Variants in INAVA observed in about 807,000 individuals in gnomAD.
The protein encoded by INAVA is innate immunity activator, also known as innate immunity activator protein.
INAVA carries 32 observed loss-of-function variants against 55.3 expected under a neutral mutation model. That is an observed-to-expected ratio of 0.58 (90% CI 0.44 to 0.78). The LOEUF is 0.78. INAVA is among the 30% of genes least tolerant of loss of function. INAVA has a pLI of 0.00. For missense variants in INAVA, 756 were observed against 786.4 expected (o/e 0.96, Z 0.46); for synonymous variants, 294 against 329.4 (o/e 0.89, Z 1.16).
At chr1:200,912,347 G>A (rs574353864) in intron 9 of INAVA, among the ~76,000 whole-genome samples, 82 of 148,366 alleles carry the variant, frequency 5.5e-4, no homozygotes, top group African/African-American at 1.8e-3. Context: ...TCCTAATTTT[G>A]CCTGCCATGT....
At chr1:200,910,238 G>A (rs138244227) in intron 8 of INAVA, among the ~76,000 whole-genome samples, 433 of 152,298 alleles carry the variant, frequency 2.8e-3, no homozygotes, top group African/African-American at 9.7e-3. Context: ...AGAACTTAAA[G>A]AGACTCAAAT....
chr1:200,906,600 T>C (rs911285119), intron 5 of INAVA: 1 of 151,642 alleles, frequency 6.6e-6, no homozygotes, highest in African/African-American at 2.4e-5. Context: ...ATTTCTTAGG[T>C]AAAAAGTGCT....
Position 200,910,647 on chromosome 1 carries a change from T to C in INAVA, c.960-806T>C, listed in dbSNP as rs182537576. Reference sequence around the variant, plus strand: ...TCCAGCCTAGAGTATAGTGGCGCAATCTTTGCTCACTGCAACCTCCGCCTC... The same window carrying C: ...TCCAGCCTAGAGTATAGTGGCGCAACCTTTGCTCACTGCAACCTCCGCCTC... On this transcript the variant is annotated intron_variant, in intron 8 of 9. Coordinates refer to ENST00000413687, the MANE Select transcript of INAVA (RefSeq NM_001142569.3). Among the ~76,000 whole-genome samples, 43 of 152,356 alleles carry C rather than the reference T, an allele frequency of 2.8e-4. No individual in the cohort carries two copies. In the East Asian group the frequency reaches 4.4e-3, roughly 16 times the overall value.
upstream of INAVA, chr1:200,891,716 T>C: frequency 2.8e-6 from 4 of 1,443,106 alleles, no homozygotes; most frequent in Non-Finnish European, 3.6e-6. Flanking sequence ...GCGGGAAAAC[T>C]TCGGGGCACC....
intron 8 of INAVA, among the ~76,000 whole-genome samples, chr1:200,909,708 G>A (rs1203599812): frequency 1.3e-5 from 2 of 152,178 alleles, no homozygotes; most frequent in East Asian, 3.8e-4. Context: ...ACTGACAATA[G>A]GCAACTCACT....
At chr1:200,900,350 C>T in intron 4 of INAVA, 130 bp downstream of exon 4, 3 of 772,602 alleles carry the variant, frequency 3.9e-6, no homozygotes, top group South Asian at 3.7e-5. Flanking sequence ...GCTTGGCTGC[C>T]TGTTGGTGAG....
intron 5 of INAVA, among the ~76,000 whole-genome samples, chr1:200,904,502 A>C (rs1212922857): frequency 6.6e-6 from 1 of 152,160 alleles, no homozygotes; most frequent in Non-Finnish European, 1.5e-5. Context: ...TGACTGAGGA[A>C]CTGACTTTAT....
In INAVA at chr1:200,907,684, A is replaced by G. The variant is rs1024260614; in HGVS notation, c.521-150A>G. 9.2e-6 allele frequency: 5 copies of G among 544,376 alleles called. No individual in the cohort carries two copies. The South Asian group carries it at 9.6e-5, about 10-fold the overall frequency. The allele number at this position is 544,376 out of a possible 1,614,324, so 33.7% of individuals were successfully genotyped here. A position where few individuals can be genotyped will look rare whatever the true frequency, so the allele number is the denominator to read the frequency against. ...TTAAAAAAAAAAAAAATCACTCCCA[A>G]TGTGTATTTAGCACACAGAGGGTAT... On this transcript the variant is annotated intron_variant, in intron 5 of 9. Coordinates refer to ENST00000413687, the MANE Select transcript of INAVA (RefSeq NM_001142569.3).
chr1:200,910,421 T>G (rs1409549727), intron 8 of INAVA, among the ~76,000 whole-genome samples: 1 of 152,334 alleles, frequency 6.6e-6, no homozygotes, highest in East Asian at 1.9e-4. Context: ...ATAGTTTAAA[T>G]GGCTAAGCGT....
Position 200,911,454 on chromosome 1 carries a change from G to A in INAVA, c.961G>A (p.Val321Met), listed in dbSNP as rs893319633. 6.8e-6 allele frequency: 11 copies of A among 1,610,596 alleles called. No individual in the cohort carries two copies. Among genetic ancestry groups the A allele is most frequent in the Admixed American group, 5.0e-5 (3 of 59,854 alleles). The change falls in exon 9 of 10, where the codon GTG (valine) becomes ATG (methionine). Residue 321 changes from valine (V) to methionine (M), a missense_variant and splice_region_variant. Physicochemically the swap from Val to Met is conservative, Grantham distance 21. This residue lies in a region of INAVA where 639 missense variants were observed against 624.3 expected (regional missense o/e 1.02). Coordinates refer to ENST00000413687, the MANE Select transcript of INAVA (RefSeq NM_001142569.3). ...GAATGCCTCTCTTTCCCTCTTCAGGGTGGATTCCTTCCGGGCGGGTCCTGA... is the reference window on the plus strand; with the variant it reads ...GAATGCCTCTCTTTCCCTCTTCAGGATGGATTCCTTCCGGGCGGGTCCTGA... ...GRRGQSQSLR[V>M]DSFRAGPEGR...
At position 200,899,595 on chromosome 1, in the gene INAVA, G is replaced by T. The variant is rs773330158; in HGVS notation, c.178G>T (p.Ala60Ser). The T allele has an allele frequency of 2.5e-5, 40 of 1,611,916 alleles. No homozygotes were observed. Among genetic ancestry groups the T allele is most frequent in the Middle Eastern group, 3.7e-4 (2 of 5,360 alleles). ...EELRRLCLRE[A>S]ELTGTLPAEY... ...GCTGAGGAGACTCTGCCTTCGGGAA[G>T]CGGTGAGGCCCCAGCCAGCACACAC... The change falls in exon 3 of 10, where the codon GCG becomes TCG. Residue 60 changes from alanine to serine, a missense_variant and splice_region_variant. Around this residue, in one of 2 missense-constraint regions of INAVA, gnomAD observed 639 missense variants for 624.3 expected, o/e 1.02. Transcript: ENST00000413687.
chr1:200,898,592 G>A, intron 2 of INAVA, 137 bp downstream of exon 2: 2 of 950,668 alleles, frequency 2.1e-6, no homozygotes, highest in Admixed American at 5.3e-5. Flanking sequence ...AGGAAGGGGA[G>A]GGAGAGGCCT....
At chr1:200,897,458 G>A (rs560484116) in intron 1 of INAVA, among the ~76,000 whole-genome samples, 6 of 152,318 alleles carry the variant, frequency 3.9e-5, no homozygotes, top group Admixed American at 2.6e-4. Flanking sequence ...AGTCCAGGGC[G>A]CCAATTCAGA....
chr1:200,896,863 G>A (rs1466424677), intron 1 of INAVA, among the ~76,000 whole-genome samples: 1 of 152,236 alleles, frequency 6.6e-6, no homozygotes, highest in Non-Finnish European at 1.5e-5. Context: ...CCCACCCTGC[G>A]GCCCCGCGCT....
At chr1:200,912,252 C>G in intron 9 of INAVA, 115 bp downstream of exon 9, 1 of 995,600 alleles carries the variant, frequency 1.0e-6, no homozygotes, top group Non-Finnish European at 1.4e-6. Flanking sequence ...AACCTAGTGG[C>G]CGGGTAATCC....
intron 8 of INAVA, among the ~76,000 whole-genome samples, chr1:200,910,338 A>G (rs1020851415): frequency 6.6e-6 from 1 of 152,184 alleles, no homozygotes; most frequent in Non-Finnish European, 1.5e-5. Context: ...CAACTAGGAA[A>G]ATTACAAATA....
intron 5 of INAVA, among the ~76,000 whole-genome samples, chr1:200,902,765 A>G (rs920817937): frequency 2.6e-5 from 4 of 152,244 alleles, no homozygotes; most frequent in Non-Finnish European, 5.9e-5. Context: ...ACTGCTCAGC[A>G]GCCTCCCCTG....
upstream of INAVA, chr1:200,894,894 T>A: frequency 1.0e-6 from 1 of 985,734 alleles, no homozygotes; most frequent in Non-Finnish European, 1.2e-6. Flanking sequence ...CTGGTTCCCC[T>A]GGCCCGGCAG....
chr1:200,901,685 G>C (rs1043185162), intron 5 of INAVA, among the ~76,000 whole-genome samples: 1 of 152,190 alleles, frequency 6.6e-6, no homozygotes, highest in African/African-American at 2.4e-5. Context: ...GAGATGTTCA[G>C]GTTGAAATCC....
Sources: allele counts gnomAD v4.1 joint callset (sites outside exome capture counted in the v4.1 genomes callset), GRCh38; gene constraint gnomAD v4.1.1; regional missense constraint gnomAD v4.1.1; transcripts MANE v1.5; gene names NCBI Gene and HGNC (gene_info 2026-07-23, HGNC 2026-07-21).